ANKRD49: variants seen among roughly 807,000 people sequenced by gnomAD.
The protein encoded by ANKRD49 is ankyrin repeat domain-containing protein 49.
A neutral mutation model predicts 19.6 loss-of-function variants in ANKRD49; 18 were observed. That is an observed-to-expected ratio of 0.92 (90% CI 0.63 to 1.36). ANKRD49 has a LOEUF of 1.36. Ranked by LOEUF, ANKRD49 falls within the 40% of genes most tolerant of loss-of-function variation. The probability of loss-of-function intolerance (pLI) is 0.00; values close to 1 mark genes in which losing one functional copy is unlikely to be tolerated. For missense variants in ANKRD49, 218 were observed against 281.6 expected (o/e 0.77, Z 1.62); for synonymous variants, 88 against 101.8 (o/e 0.86, Z 0.82).
Position 94,496,869 on chromosome 11 carries a change from A to G in ANKRD49, c.176A>G (p.Asn59Ser). The G allele has an allele frequency of 2.5e-6, 4 of 1,613,966 alleles. No homozygotes were observed. The highest frequency in any genetic ancestry group is 2.2e-5 in the South Asian group (2 of 91,078). Residue 59 changes from asparagine (N) to serine (S), a missense_variant, in exon 2 of 3, where the codon AAT becomes AGT. By Grantham distance (46) the Asn-to-Ser change is conservative. Transcript: ENST00000544612. The stretch of plus-strand genomic sequence containing the variant: ...GAAGATGAGGAGCAAGATGACAAAA[A>G]TGAAGAGTGGTATCGATTGCAAGAA... Reference protein sequence around the residue: ...SDEDEEQDDKNEEWYRLQEKK... With the variant: ...SDEDEEQDDKSEEWYRLQEKK...
chr11:94,494,674 G>T (rs1947384448), intron 1 of ANKRD49, among the ~76,000 whole-genome samples: 1 of 152,086 alleles, frequency 6.6e-6, no homozygotes, highest in Non-Finnish European at 1.5e-5. Context: ...TCGGGTAGAT[G>T]CGCCTAGGCT....
Position 94,496,884 on chromosome 11 carries a change from G to A in ANKRD49, c.191G>A (p.Arg64Gln), listed in dbSNP as rs754542540. The A allele has an allele frequency of 1.2e-5, 19 of 1,613,172 alleles. No homozygotes were observed. In the Admixed American group the frequency reaches 1.3e-4, roughly 11 times the overall value. Residue 64 changes from arginine (R) to glutamine (Q), a missense_variant, in exon 2 of 3, where the codon CGA (arginine) becomes CAA (glutamine). Transcript: ENST00000544612. ...EQDDKNEEWY[R>Q]LQEKKMEKDP... ...GATGACAAAAATGAAGAGTGGTATC[G>A]ATTGCAAGAAAAAAAAATGGAAAAA...
At position 94,498,059 on chromosome 11, in the gene ANKRD49, T is replaced by C; in HGVS notation, c.259-12T>C. On this transcript the variant is annotated splice_polypyrimidine_tract_variant and intron_variant, in intron 2 of 2. Transcript: ENST00000544612. Reference sequence around the variant, plus strand: ...TGAGTTGAGTTGAAAGATTTCTTTTTTTTCTTCTCAGCTTACCACAGTGCG... The same window carrying C: ...TGAGTTGAGTTGAAAGATTTCTTTTCTTTCTTCTCAGCTTACCACAGTGCG... The C allele has an allele frequency of 1.3e-6, 2 of 1,544,716 alleles. No individual in the cohort carries two copies. Among genetic ancestry groups the C allele is most frequent in the Non-Finnish European group, 1.7e-6 (2 of 1,147,690 alleles).
Position 94,496,607 on chromosome 11 carries a change from TTGA to T in ANKRD49, c.-83_-81del. 8.1e-7 allele frequency: 1 copy of T among 1,232,906 alleles called. No homozygotes were observed. The highest frequency in any genetic ancestry group is 1.1e-6 in the Non-Finnish European group (1 of 894,056). 76.4% of individuals were successfully genotyped at this position (1,232,906 alleles called of 1,614,324 possible). On this transcript the variant is annotated 5_prime_UTR_variant, in exon 2 of 3. An upstream start codon of the reference 5' UTR is lost. Coordinates refer to ENST00000544612, the MANE Select transcript of ANKRD49 (RefSeq NM_017704.3). The stretch of plus-strand genomic sequence containing the variant: ...ACTTTTGTATTTGTGTTTTCAGATC[TTGA>T]TGAACAAAGCAGTCATAATTCATCT...
chr11:94,496,908 A>G lies in ANKRD49; in HGVS notation c.215A>G (p.Lys72Arg). The G allele has an allele frequency of 6.2e-7, 1 of 1,613,870 alleles. No homozygotes were observed. Among genetic ancestry groups the G allele is most frequent in the Admixed American group, 1.7e-5 (1 of 60,004 alleles). The change falls in exon 2 of 3, where the codon AAA (lysine) becomes AGA (arginine). Residue 72 changes from lysine (K) to arginine (R), a missense_variant. Lys to Arg is a conservative substitution (Grantham distance 26). Transcript: ENST00000544612. ...WYRLQEKKMEKDPSRLLLWAA... is the reference protein window; with the variant it reads ...WYRLQEKKMERDPSRLLLWAA... ...CGATTGCAAGAAAAAAAAATGGAAAAAGACCCAAGCAGATTGCTTCTTTGG... is the reference window on the plus strand; with the variant it reads ...CGATTGCAAGAAAAAAAAATGGAAAGAGACCCAAGCAGATTGCTTCTTTGG...
Position 94,496,624 on chromosome 11 carries a change from C to A in ANKRD49, c.-70C>A. 1.5e-6 allele frequency: 2 copies of A among 1,355,250 alleles called. No homozygotes were observed. Among genetic ancestry groups the A allele is most frequent in the Non-Finnish European group, 2.0e-6 (2 of 1,003,052 alleles). 84.0% of individuals were successfully genotyped at this position (1,355,250 alleles called of 1,614,324 possible). ...TTCAGATCTTGATGAACAAAGCAGT[C>A]ATAATTCATCTCTAGAAAGATTTAT... On this transcript the variant is annotated 5_prime_UTR_variant, in exon 2 of 3. Coordinates refer to ENST00000544612, the MANE Select transcript of ANKRD49 (RefSeq NM_017704.3).
Position 94,498,388 on chromosome 11 carries a change from ACTC to A in ANKRD49, c.582_584del (p.Leu195del), listed in dbSNP as rs771418585. The A allele has an allele frequency of 9.3e-6, 15 of 1,613,102 alleles. No homozygotes were observed. Among genetic ancestry groups the A allele is most frequent in the Non-Finnish European group, 1.2e-5 (14 of 1,179,854 alleles). ...ACAGAGACAGCAAGGATACCCTAGA[ACTC>A]CTCCTGATGAACCGTTACGTCAAAC... On this transcript the variant is annotated inframe_deletion, in exon 3 of 3. Coordinates refer to ENST00000544612, the MANE Select transcript of ANKRD49 (RefSeq NM_017704.3).
chr11:94,496,555 A>T lies in ANKRD49; in HGVS notation c.-90-49A>T, dbSNP rs557672413. The T allele has an allele frequency of 1.2e-5, 9 of 777,164 alleles. No homozygotes were observed. In the African/African-American group the frequency reaches 1.2e-4, roughly 11 times the overall value. The allele number at this position is 777,164 out of a possible 1,614,324, so 48.1% of individuals were successfully genotyped here. ...TGCAAGACTTATCTATGCAGTTGATAAAGCCTGAATTATTGTTTTACTAAT... is the reference window on the plus strand; with the variant it reads ...TGCAAGACTTATCTATGCAGTTGATTAAGCCTGAATTATTGTTTTACTAAT... On this transcript the variant is annotated intron_variant, in intron 1 of 2. Transcript: ENST00000544612.
chr11:94,495,238 C>T (rs1308603424), intron 1 of ANKRD49, among the ~76,000 whole-genome samples: 1 of 152,120 alleles, frequency 6.6e-6, no homozygotes, highest in Non-Finnish European at 1.5e-5. Flanking sequence ...AAATCAGTAT[C>T]TTGGGGTTAT....
intron 1 of ANKRD49, among the ~76,000 whole-genome samples, chr11:94,495,846 A>ACACT (rs1173507173): frequency 6.6e-6 from 1 of 152,174 alleles, no homozygotes; most frequent in Non-Finnish European, 1.5e-5. Flanking sequence ...CCAGTCACCT[A>ACACT]CACTAGAGTA....
rs1947453559 is a variant in ANKRD49, at chr11:94,498,751, AT to A, written c.*220del. 1 of 556,754 alleles carries A rather than the reference AT, an allele frequency of 1.8e-6. No homozygotes were observed. Among genetic ancestry groups the A allele is most frequent in the Non-Finnish European group, 3.1e-6 (1 of 318,216 alleles). 34.5% of individuals were successfully genotyped at this position (556,754 alleles called of 1,614,324 possible). A position where few individuals can be genotyped will look rare whatever the true frequency, so the allele number is the denominator to read the frequency against. ...TTTCTGTGGAGTTTGTGATTTTTTT[AT>A]CAGAAATAATTTTAATGTGTGTATA... On this transcript the variant is annotated 3_prime_UTR_variant, in exon 3 of 3. Transcript: ENST00000544612.
intron 2 of ANKRD49, chr11:94,497,693 A>G (rs910274593): frequency 5.5e-6 from 1 of 183,380 alleles, no homozygotes; most frequent in African/African-American, 2.4e-5. Flanking sequence ...TTGGTGTGAT[A>G]ATCCTACAGA....
At chr11:94,497,263 T>G in intron 2 of ANKRD49, 1 of 491,356 alleles carries the variant, frequency 2.0e-6, no homozygotes, top group Admixed American at 3.6e-5. Context: ...CTATACCAGG[T>G]ACCTTATTAC....
At chr11:94,495,245 T>G (rs473297) in intron 1 of ANKRD49, among the ~76,000 whole-genome samples, 76,261 of 151,956 alleles carry the variant, frequency 0.5, 19,518 homozygotes, top group South Asian at 0.6. Context: ...TATCTTGGGG[T>G]TATGCCTAAC....
At chr11:94,497,463 T>G (rs1289486064) in intron 2 of ANKRD49, 1 of 167,954 alleles carries the variant, frequency 6.0e-6, no homozygotes, top group African/African-American at 2.4e-5. Context: ...GTTAGTAAAC[T>G]AATAACTAAA....
Position 94,494,025 on chromosome 11 carries a change from C to T in ANKRD49, c.-101C>T, listed in dbSNP as rs1947368909. ...AGTGAGATGCAAGGCGGCGATTTTCCCTTCTGTCAGGTGGGTTGTTATTCC... is the reference window on the plus strand; with the variant it reads ...AGTGAGATGCAAGGCGGCGATTTTCTCTTCTGTCAGGTGGGTTGTTATTCC... On this transcript the variant is annotated 5_prime_UTR_variant, in exon 1 of 3. Transcript: ENST00000544612. The T allele has an allele frequency of 6.6e-6, 1 of 152,376 alleles. No homozygotes were observed. Among genetic ancestry groups the T allele is most frequent in the Admixed American group, 6.5e-5 (1 of 15,276 alleles). The allele number at this position is 152,376 out of a possible 1,614,324, so 9.4% of individuals were successfully genotyped here. A position where few individuals can be genotyped will look rare whatever the true frequency, so the allele number is the denominator to read the frequency against.
rs755464569 is a variant in ANKRD49 at position 94,498,222 on chromosome 11, T to C, written c.410T>C (p.Val137Ala). 6.2e-7 allele frequency: 1 copy of C among 1,614,162 alleles called. No homozygotes were observed. Among genetic ancestry groups the C allele is most frequent in the African/African-American group, 1.3e-5 (1 of 75,012 alleles). The change falls in exon 3 of 3, where the codon GTG becomes GCG. Residue 137 changes from valine (V) to alanine (A), a missense_variant. By Grantham distance (64) the Val-to-Ala change is moderately conservative (BLOSUM62 0). Transcript: ENST00000544612. ...GCACAGGGGGCCGATGTTCATGCAG[T>C]GACTGTGGATGGCTGGACGCCCCTG... The part of the protein sequence containing the change: ...LIAQGADVHA[V>A]TVDGWTPLHS...
intron 2 of ANKRD49, chr11:94,497,171 CT>C (rs1947428354): frequency 1.7e-6 from 1 of 596,548 alleles, no homozygotes; most frequent in Non-Finnish European, 2.9e-6. Context: ...AAGCAATCAT[CT>C]ATATTTTAAA....
chr11:94,499,074 T>C lies in ANKRD49; in HGVS notation c.*542T>C, dbSNP rs1947456851. 2 of 154,858 alleles carry C rather than the reference T, an allele frequency of 1.3e-5. No individual in the cohort carries two copies. Among genetic ancestry groups the C allele is most frequent in the African/African-American group, 4.8e-5 (2 of 41,456 alleles). 9.6% of individuals were successfully genotyped at this position (154,858 alleles called of 1,614,324 possible). On this transcript the variant is annotated 3_prime_UTR_variant, in exon 3 of 3. Transcript: ENST00000544612. ...AGTAAAAAACAGCAAAAAACCTAGA[T>C]CTTTGTCTTTTAGAACACAGACCAT...
Sources: allele counts gnomAD v4.1 joint callset (sites outside exome capture counted in the v4.1 genomes callset), GRCh38; gene constraint gnomAD v4.1.1; transcripts MANE v1.5; gene names NCBI Gene and HGNC (gene_info 2026-07-23, HGNC 2026-07-21).